The following HSD17B12 variants were observed in gnomAD, a reference collection of about 807,000 sequenced individuals.
HSD17B12 encodes the protein very-long-chain 3-oxoacyl-CoA reductase.
Under a neutral mutation model 39.3 loss-of-function variants are expected in HSD17B12, and 32 were observed. The observed-to-expected ratio is 0.81, with a 90% CI of 0.61 to 1.09. HSD17B12 has a LOEUF of 1.09. Ranked by LOEUF, HSD17B12 falls within the 50% of genes least tolerant of loss-of-function variation. The pLI is 0.00. For missense variants in HSD17B12, 342 were observed against 382.9 expected, an observed-to-expected ratio of 0.89 and a Z score of 0.89; for synonymous variants, 150 against 146.7, an observed-to-expected ratio of 1.02 and a Z score of -0.16.
At chr11:43,559,759 G>C in the HSD17B12 span, 1 of 155,920 alleles carries the variant, frequency 6.4e-6, no homozygotes, top group South Asian at 2.0e-4. Flanking sequence ...TTCACGCGAC[G>C]TTGGAGAGCA....
At chr11:43,603,106 A>G in the HSD17B12 span, among the ~76,000 whole-genome samples, 1 of 152,200 alleles carries the variant, frequency 6.6e-6, no homozygotes, top group Admixed American at 6.5e-5. Context: ...GCAGAATACT[A>G]GTTGAGTGAA....
chr11:43,687,394 C>T (rs1046023067), intron 1 of HSD17B12, among the ~76,000 whole-genome samples: 4 of 152,084 alleles, frequency 2.6e-5, no homozygotes, highest in Admixed American at 1.3e-4. Flanking sequence ...CAAACAGTAA[C>T]AAAATGAATA....
intron 1 of HSD17B12, among the ~76,000 whole-genome samples, chr11:43,702,142 A>G (rs1949970653): frequency 6.6e-6 from 1 of 152,238 alleles, no homozygotes; most frequent in African/African-American, 2.4e-5. Context: ...GTTGGCATAT[A>G]GAAATGCTAC....
At chr11:43,847,325 G>A (rs182088387) in intron 9 of HSD17B12, among the ~76,000 whole-genome samples, 70 of 152,288 alleles carry the variant, frequency 4.6e-4, no homozygotes, top group Non-Finnish European at 8.2e-4. Context: ...ACTTTCAGCT[G>A]CCCTGAAAAT....
intron 1 of HSD17B12, among the ~76,000 whole-genome samples, chr11:43,723,457 A>G (rs1950193539): frequency 6.6e-6 from 1 of 152,202 alleles, no homozygotes; most frequent in Admixed American, 6.5e-5. Context: ...ATTTTAGGAT[A>G]TTATCATATT....
At chr11:43,679,047 T>C (rs912685305), upstream of HSD17B12, among the ~76,000 whole-genome samples, 19 of 152,216 alleles carry the variant, frequency 1.2e-4, no homozygotes, top group African/African-American at 4.3e-4. Flanking sequence ...TTTCACGATA[T>C]TGATTCTTCC....
At chr11:43,630,462 T>C in the HSD17B12 span, among the ~76,000 whole-genome samples, 2 of 152,172 alleles carry the variant, frequency 1.3e-5, no homozygotes, top group Non-Finnish European at 2.9e-5. Flanking sequence ...TTCTGTTTGC[T>C]ACTCATGCCT....
intron 3 of HSD17B12, among the ~76,000 whole-genome samples, chr11:43,764,075 G>A (rs989125356): frequency 5.3e-5 from 8 of 152,022 alleles, no homozygotes; most frequent in African/African-American, 1.9e-4. Context: ...AATATCAGAA[G>A]ATATATAGCT....
chr11:43,579,213 C>A, the HSD17B12 span: 1 of 152,516 alleles, frequency 6.6e-6, no homozygotes. Context: ...CCTCGCTCCC[C>A]CTCCCGGCCG....
At chr11:43,681,549 G>A (rs915767237) in intron 1 of HSD17B12, among the ~76,000 whole-genome samples, 1 of 152,000 alleles carries the variant, frequency 6.6e-6, no homozygotes, top group Non-Finnish European at 1.5e-5. Flanking sequence ...TCTGGATTTG[G>A]CCTATTTCAT....
chr11:43,714,451 T>C (rs1215080584), intron 1 of HSD17B12, among the ~76,000 whole-genome samples: 2 of 152,240 alleles, frequency 1.3e-5, no homozygotes, highest in Non-Finnish European at 2.9e-5. Flanking sequence ...TGGTATTATT[T>C]CTGAGGGTTC....
At chr11:43,604,790 A>C in the HSD17B12 span, among the ~76,000 whole-genome samples, 1 of 152,212 alleles carries the variant, frequency 6.6e-6, no homozygotes, top group Non-Finnish European at 1.5e-5. Context: ...GTGATTTAAA[A>C]ATTGCCTAAA....
intron 6 of HSD17B12, among the ~76,000 whole-genome samples, chr11:43,817,016 C>CTA (rs1483103427): frequency 1.9e-3 from 49 of 26,150 alleles, no homozygotes; most frequent in African/African-American, 5.6e-3. Flanking sequence ...ATATCTATAT[C>CTA]TATATCTATA....
chr11:43,789,095 A>G (rs1950843874), intron 3 of HSD17B12, among the ~76,000 whole-genome samples: 2 of 152,204 alleles, frequency 1.3e-5, no homozygotes, highest in South Asian at 4.1e-4. Flanking sequence ...TTTTGCCAAC[A>G]TCTGCCCTTT....
chr11:43,706,689 G>GGTGTGTGTGTGT (rs147962977), intron 1 of HSD17B12, among the ~76,000 whole-genome samples: 30,524 of 137,538 alleles, frequency 0.22, 3,403 homozygotes, highest in Middle Eastern at 0.24. Flanking sequence ...TGAATGAAGG[G>GGTGTGTGTGTGT]GTGTGTGTGT....
the HSD17B12 span, among the ~76,000 whole-genome samples, chr11:43,617,215 T>G: frequency 6.6e-6 from 1 of 152,176 alleles, no homozygotes; most frequent in African/African-American, 2.4e-5. Context: ...GATGAGTGAC[T>G]CAGGGAGATT....
intron 3 of HSD17B12, among the ~76,000 whole-genome samples, chr11:43,794,741 C>T (rs1343795954): frequency 1.3e-5 from 2 of 152,214 alleles, no homozygotes; most frequent in Admixed American, 6.5e-5. Flanking sequence ...ATTAGGGCAA[C>T]ATGAGTTTCA....
chr11:43,590,532 C>T, the HSD17B12 span, among the ~76,000 whole-genome samples: 9 of 18,950 alleles, frequency 4.7e-4, no homozygotes, highest in Admixed American at 9.2e-4. Context: ...TTTTTTGAGA[C>T]AGAGTCTTAC....
intron 3 of HSD17B12, among the ~76,000 whole-genome samples, chr11:43,793,027 G>T (rs1210121429): frequency 6.6e-6 from 1 of 152,136 alleles, no homozygotes; most frequent in Non-Finnish European, 1.5e-5. Flanking sequence ...CATGGTGCTA[G>T]CTGCAGGGAA....
Sources: gnomAD v4.1 joint callset for allele counts (sites outside exome capture counted in the v4.1 genomes callset) on GRCh38, gnomAD v4.1.1 for gene constraint, MANE v1.5 for transcripts, NCBI Gene and HGNC (gene_info 2026-07-23, HGNC 2026-07-21) for gene names.